Variants in TTC33 observed in about 807,000 individuals in gnomAD.
TTC33 encodes the protein tetratricopeptide repeat domain 33.
A neutral mutation model predicts 29.4 loss-of-function variants in TTC33; 24 were observed. That is an observed-to-expected ratio of 0.82 (90% confidence interval 0.59 to 1.15). The LOEUF (loss-of-function observed/expected upper bound fraction) is 1.15, where lower values mean the gene tolerates loss of function less well. Ranked by LOEUF, TTC33 falls within the 50% of genes most tolerant of loss-of-function variation. The pLI is 0.00. For missense variants in TTC33, 286 were observed against 310.4 expected (o/e 0.92, Z 0.59); for synonymous variants, 107 against 100.3 (o/e 1.07, Z -0.40).
chr5:40,740,073 T>TA (rs1742661458), intron 2 of TTC33, among the ~76,000 whole-genome samples: 1 of 152,182 alleles, frequency 6.6e-6, no homozygotes, highest in Non-Finnish European at 1.5e-5. Context: ...AATAGCAATA[T>TA]AATTCCATTT....
intron 2 of TTC33, among the ~76,000 whole-genome samples, chr5:40,735,487 G>A (rs1398366325): frequency 1.3e-5 from 2 of 152,180 alleles, no homozygotes; most frequent in Non-Finnish European, 2.9e-5. Context: ...TGGGTTACCT[G>A]GAAAACAGAG....
At chr5:40,747,162 A>G in intron 1 of TTC33, 143 bp from the exon 2 acceptor site, 1 of 682,970 alleles carries the variant, frequency 1.5e-6, no homozygotes, top group Non-Finnish European at 2.4e-6. Flanking sequence ...GGGTTAAGTG[A>G]TTCTCCTGCC....
intron 2 of TTC33, among the ~76,000 whole-genome samples, chr5:40,741,565 C>T (rs758131482): frequency 6.6e-6 from 1 of 152,196 alleles, no homozygotes; most frequent in South Asian, 2.1e-4. Flanking sequence ...TGGTACTCTA[C>T]TCTGCAACTT....
At chr5:40,739,911 T>C (rs1006813461) in intron 2 of TTC33, among the ~76,000 whole-genome samples, 1 of 152,160 alleles carries the variant, frequency 6.6e-6, no homozygotes, top group African/African-American at 2.4e-5. Flanking sequence ...CAATTTTAGA[T>C]TTGGGAATAA....
chr5:40,713,003 A>G lies in TTC33; in HGVS notation c.*3142T>C, dbSNP rs535747311. Among the ~76,000 whole-genome samples, 10 of 152,238 alleles carry G rather than the reference A, an allele frequency of 6.6e-5. No homozygotes were observed. The highest frequency in any genetic ancestry group is 2.4e-4 in the African/African-American group (10 of 41,562). ...ATTTTATTTCTGTTTTATAATTTAT[A>G]TATTTCAATATCTTATTATTGGTAA... On this transcript the variant is annotated 3_prime_UTR_variant, in exon 5 of 5. Coordinates refer to ENST00000337702, the MANE Select transcript of TTC33 (RefSeq NM_012382.3).
rs201666272 is a variant in TTC33 at position 40,711,967 on chromosome 5, C to T, written c.*4178G>A. ...TTTAGAGAACTTTTTGGGTGATGGA[C>T]ACACACTATATCAGGATGGTAGTGG... On this transcript the variant is annotated 3_prime_UTR_variant, in exon 5 of 5. Transcript: ENST00000337702. 2.0e-5 allele frequency among the ~76,000 whole-genome samples: 3 copies of T among 152,086 alleles called. No homozygotes were observed. The East Asian group carries it at 5.8e-4, about 29-fold the overall frequency.
intron 4 of TTC33, among the ~76,000 whole-genome samples, chr5:40,717,185 C>T (rs987970641): frequency 6.8e-5 from 10 of 147,090 alleles, no homozygotes; most frequent in South Asian, 2.1e-4. Context: ...GTTGAGATCA[C>T]GCCATTGCAC....
chr5:40,716,387 T>C lies in TTC33; in HGVS notation c.547A>G (p.Arg183Gly). ...GCTGGTGCTTCACTTTTTTTAATCCTCTGTGCTACCTTCTGCTGCTCCTGG... is the reference window on the plus strand; with the variant it reads ...GCTGGTGCTTCACTTTTTTTAATCCCCTGTGCTACCTTCTGCTGCTCCTGG... Reference protein sequence around the residue: ...TLQEQQKVAQRIKKSEAPAEV... With the variant: ...TLQEQQKVAQGIKKSEAPAEV... Residue 183 changes from arginine (R) to glycine (G), a missense_variant, in exon 5 of 5, where the codon AGG becomes GGG. Transcript: ENST00000337702. The C allele has an allele frequency of 6.2e-7, 1 of 1,614,104 alleles. No individual in the cohort carries two copies.
At chr5:40,719,638 T>C (rs569290699) in intron 4 of TTC33, among the ~76,000 whole-genome samples, 103 of 152,336 alleles carry the variant, frequency 6.8e-4, no homozygotes, top group Middle Eastern at 6.8e-3. Flanking sequence ...TTTTCCAAAA[T>C]GGCTATAACA....
intron 4 of TTC33, among the ~76,000 whole-genome samples, chr5:40,721,986 T>C (rs992435742): frequency 1.3e-5 from 2 of 152,202 alleles, no homozygotes; most frequent in South Asian, 4.1e-4. Context: ...AACACTTGAA[T>C]AGACATTTCT....
Position 40,712,989 on chromosome 5 carries a change from G to GT in TTC33, c.*3155dup, listed in dbSNP as rs1315673666. Among the ~76,000 whole-genome samples, 1 of 151,878 alleles carries GT rather than the reference G, an allele frequency of 6.6e-6. No individual in the cohort carries two copies. The highest frequency in any genetic ancestry group is 1.5e-5 in the Non-Finnish European group (1 of 67,950). ...ACCTCCTTTATTTCATTTTATTTCT[G>GT]TTTTATAATTTATATATTTCAATAT... On this transcript the variant is annotated 3_prime_UTR_variant, in exon 5 of 5. Transcript: ENST00000337702.
intron 1 of TTC33, among the ~76,000 whole-genome samples, chr5:40,753,372 AAAAGAAAG>A (rs200588087): frequency 8.3e-4 from 126 of 151,320 alleles, no homozygotes; most frequent in African/African-American, 2.6e-3. Context: ...CTCAAAAAAA[AAAAGAAAG>A]AAAGAAAGAA....
rs866393644 is a variant in TTC33 at position 40,738,564 on chromosome 5, A to T, written c.222-8221T>A. Among the ~76,000 whole-genome samples the T allele has an allele frequency of 4.1e-3, 444 of 109,306 alleles. 8 individuals carry two copies. The highest frequency in any genetic ancestry group is 4.5e-3 in the Non-Finnish European group (213 of 47,546). The allele number at this position is 109,306 out of a possible 152,430, so 71.7% of individuals were successfully genotyped here. A position where few individuals can be genotyped will look rare whatever the true frequency, so the allele number is the denominator to read the frequency against. On this transcript the variant is annotated intron_variant, in intron 2 of 4. Transcript: ENST00000337702. ...CAATAAAATAAAATAAAATAAAATA[A>T]AATATAAAATAAAATAAAATAAAAT...
intron 1 of TTC33, 41 bp from the exon 2 acceptor site, chr5:40,747,060 A>T (rs369026291): frequency 5.2e-6 from 8 of 1,538,432 alleles, no homozygotes; most frequent in African/African-American, 1.4e-5. Flanking sequence ...TTCTAACTTG[A>T]TCTTTTTTTT....
chr5:40,752,795 T>C (rs1742918357), intron 1 of TTC33, among the ~76,000 whole-genome samples: 1 of 152,192 alleles, frequency 6.6e-6, no homozygotes, highest in African/African-American at 2.4e-5. Context: ...CACATGCTAT[T>C]GGACAAATAG....
Position 40,731,934 on chromosome 5 carries a change from C to T in TTC33, c.222-1591G>A, listed in dbSNP as rs1380269091. 4.6e-5 allele frequency among the ~76,000 whole-genome samples: 7 copies of T among 152,226 alleles called. No individual in the cohort carries two copies. In the East Asian group the frequency reaches 1.2e-3, roughly 25 times the overall value. On this transcript the variant is annotated intron_variant, in intron 2 of 4. Transcript: ENST00000337702. Reference sequence around the variant, plus strand: ...CATTTTATGTTTTACAAAGCACTTTCAATACAATTATTTAACATACAATTA... The same window carrying T: ...CATTTTATGTTTTACAAAGCACTTTTAATACAATTATTTAACATACAATTA...
intron 2 of TTC33, among the ~76,000 whole-genome samples, chr5:40,734,314 T>TGAACAGACTGAACAGAC (rs57067284): frequency 1.3e-5 from 2 of 151,974 alleles, no homozygotes; most frequent in African/African-American, 4.8e-5. Flanking sequence ...CAACTTCAGT[T>TGAACAGACTGAACAGAC]TGGAACAGAC....
At chr5:40,755,137 G>A (rs1236276570) in intron 1 of TTC33, among the ~76,000 whole-genome samples, 1 of 152,124 alleles carries the variant, frequency 6.6e-6, no homozygotes, top group South Asian at 2.1e-4. Flanking sequence ...CTAAATTCCT[G>A]TACTGTTACA....
chr5:40,746,124 T>C (rs1243734408), intron 2 of TTC33, among the ~76,000 whole-genome samples: 1 of 152,130 alleles, frequency 6.6e-6, no homozygotes, highest in African/African-American at 2.4e-5. Flanking sequence ...CAGAATCTAC[T>C]AAAAAATTTG....
Sources: gnomAD v4.1 joint callset for allele counts (sites outside exome capture counted in the v4.1 genomes callset) on GRCh38, gnomAD v4.1.1 for gene constraint, MANE v1.5 for transcripts, NCBI Gene and HGNC (gene_info 2026-07-23, HGNC 2026-07-21) for gene names.